The following HNF4G variants were observed in gnomAD, a reference collection of about 807,000 sequenced individuals.
HNF4G encodes hepatocyte nuclear factor 4 gamma, also known as hepatocyte nuclear factor 4-gamma.
In HNF4G, 21 loss-of-function variants were observed where a neutral mutation model predicts 50.9. That is an observed-to-expected ratio of 0.41 (90% CI 0.29 to 0.59). HNF4G has a LOEUF of 0.59. HNF4G is among the 20% of genes least tolerant of loss of function. The pLI, the probability that HNF4G is intolerant of heterozygous loss-of-function variation, is 0.26. For missense variants in HNF4G, 527 were observed against 559.4 expected, an observed-to-expected ratio of 0.94 and a Z score of 0.58; for synonymous variants, 198 against 185.6, an observed-to-expected ratio of 1.07 and a Z score of -0.54.
At chr8:75,462,370 T>G (rs1811875231) in intron 1 of HNF4G, among the ~76,000 whole-genome samples, 1 of 152,180 alleles carries the variant, frequency 6.6e-6, no homozygotes, top group Non-Finnish European at 1.5e-5. Flanking sequence ...ACAGTTGATC[T>G]GATGACCAAG....
intron 1 of HNF4G, among the ~76,000 whole-genome samples, chr8:75,478,650 A>G (rs1812297417): frequency 2.0e-5 from 3 of 152,214 alleles, no homozygotes; most frequent in Non-Finnish European, 4.4e-5. Flanking sequence ...TTCTTGCTCA[A>G]GCTAGTGTAC....
At chr8:75,449,263 G>A (rs1811516041) in intron 1 of HNF4G, among the ~76,000 whole-genome samples, 1 of 152,026 alleles carries the variant, frequency 6.6e-6, no homozygotes, top group South Asian at 2.1e-4. Flanking sequence ...GTAGAATCTG[G>A]GGTCTCATAT....
At chr8:75,562,738 A>G (rs1179629537) in intron 9 of HNF4G, among the ~76,000 whole-genome samples, 1 of 152,148 alleles carries the variant, frequency 6.6e-6, no homozygotes, top group African/African-American at 2.4e-5. Context: ...TGTTCTTTCC[A>G]CATACTATTT....
At chr8:75,560,295 C>T (rs1807268444) in intron 8 of HNF4G, 49 bp from the exon 9 acceptor site, 2 of 1,590,596 alleles carry the variant, frequency 1.3e-6, no homozygotes, top group Non-Finnish European at 8.6e-7. Context: ...GGTAAACTTG[C>T]TGTTCCTGAT....
intron 6 of HNF4G, 38 bp downstream of exon 6, chr8:75,556,107 A>G: frequency 8.7e-7 from 1 of 1,153,830 alleles, no homozygotes; most frequent in Non-Finnish European, 1.3e-6. Flanking sequence ...GAAATTATGC[A>G]TATTTTATTC....
At chr8:75,421,427 A>G (rs2130490202) in intron 1 of HNF4G, among the ~76,000 whole-genome samples, 1 of 152,308 alleles carries the variant, frequency 6.6e-6, no homozygotes, top group African/African-American at 2.4e-5. Context: ...TTTAGATTAG[A>G]TATACCAGCT....
chr8:75,511,780 CG>C (rs1805758835), intron 2 of HNF4G, among the ~76,000 whole-genome samples: 1 of 152,018 alleles, frequency 6.6e-6, no homozygotes, highest in African/African-American at 2.4e-5. Context: ...TTAGTAGAGA[CG>C]GGGTTTCACC....
At chr8:75,492,762 C>A (rs1286269684) in intron 2 of HNF4G, among the ~76,000 whole-genome samples, 1 of 152,076 alleles carries the variant, frequency 6.6e-6, no homozygotes, top group African/African-American at 2.4e-5. Context: ...GCTCATCCTA[C>A]CCTCACAGAA....
chr8:75,450,000 C>T lies in HNF4G; in HGVS notation c.-143-40089C>T, dbSNP rs148327052. Among the ~76,000 whole-genome samples, 372 of 152,218 alleles carry T rather than the reference C, an allele frequency of 2.4e-3. 2 individuals carry two copies. Among genetic ancestry groups the T allele is most frequent in the African/African-American group, 8.5e-3 (354 of 41,542 alleles). On this transcript the variant is annotated intron_variant, in intron 1 of 10. Transcript: ENST00000354370. Reference sequence around the variant, plus strand: ...GTGTCCTTTGACAACAAATATCTCCCCAATCCTTTTATTCCCCACCACCTT... The same window carrying T: ...GTGTCCTTTGACAACAAATATCTCCTCAATCCTTTTATTCCCCACCACCTT...
intron 1 of HNF4G, among the ~76,000 whole-genome samples, chr8:75,439,347 T>A (rs1292311495): frequency 2.0e-5 from 3 of 152,052 alleles, no homozygotes; most frequent in Non-Finnish European, 4.4e-5. Flanking sequence ...ATTTTTTACA[T>A]GTCTGCATTT....
At chr8:75,465,956 T>G (rs1811959409) in intron 1 of HNF4G, among the ~76,000 whole-genome samples, 1 of 152,168 alleles carries the variant, frequency 6.6e-6, no homozygotes. Context: ...AGGTTATGTG[T>G]GTGTGTTTGT....
chr8:75,442,384 C>A (rs925838176), intron 1 of HNF4G, among the ~76,000 whole-genome samples: 6 of 152,088 alleles, frequency 3.9e-5, no homozygotes, highest in Non-Finnish European at 8.8e-5. Context: ...ATAGGCAAGA[C>A]TTTTAAAAAA....
intron 1 of HNF4G, among the ~76,000 whole-genome samples, chr8:75,541,685 T>A (rs998715893): frequency 1.3e-5 from 2 of 152,126 alleles, no homozygotes; most frequent in Non-Finnish European, 2.9e-5. Context: ...TATAATGAAG[T>A]TTTATTACAT....
intron 1 of HNF4G, among the ~76,000 whole-genome samples, chr8:75,435,231 A>G (rs1396624733): frequency 6.6e-6 from 1 of 152,222 alleles, no homozygotes; most frequent in African/African-American, 2.4e-5. Flanking sequence ...TATTATAGAA[A>G]TGCAAACTTG....
intron 2 of HNF4G, among the ~76,000 whole-genome samples, chr8:75,534,628 A>G (rs1806413017): frequency 1.3e-5 from 2 of 151,956 alleles, no homozygotes; most frequent in African/African-American, 4.8e-5. Context: ...GGTAAACCAT[A>G]AATACTAGAA....
In HNF4G at chr8:75,486,352, C is replaced by A. The variant is rs866281413; in HGVS notation, c.-143-3737C>A. Among the ~76,000 whole-genome samples, 5 of 152,272 alleles carry A rather than the reference C, an allele frequency of 3.3e-5. No homozygotes were observed. In the Middle Eastern group the frequency reaches 0.01, roughly 311 times the overall value. ...GACCTCAACATGCTTTCTGGTTGAA[C>A]CTTAGCAGTACCTTTTGTTATATTT... is the stretch of plus-strand genomic sequence containing the variant. On this transcript the variant is annotated intron_variant, in intron 1 of 10. Coordinates refer to the HNF4G transcript ENST00000354370.
chr8:75,454,050 TCTCC>T (rs1207265671), intron 1 of HNF4G, among the ~76,000 whole-genome samples: 2 of 132,364 alleles, frequency 1.5e-5, no homozygotes, highest in East Asian at 2.2e-4. Context: ...TCTCTCTCTC[TCTCC>T]CTCCCTCCCT....
chr8:75,501,042 A>C (rs1812912474), intron 2 of HNF4G, among the ~76,000 whole-genome samples: 1 of 151,970 alleles, frequency 6.6e-6, no homozygotes, highest in African/African-American at 2.4e-5. Context: ...ATCATATATA[A>C]TTATATTAGA....
chr8:75,544,127 G>A (rs949561090), intron 2 of HNF4G, 148 bp downstream of exon 2: 12 of 626,068 alleles, frequency 1.9e-5, no homozygotes, highest in African/African-American at 1.8e-4. Flanking sequence ...GAACGTGTGG[G>A]TATGTACACA....
Sources: allele counts gnomAD v4.1 joint callset (sites outside exome capture counted in the v4.1 genomes callset), GRCh38; gene constraint gnomAD v4.1.1; transcripts MANE v1.5; gene names NCBI Gene and HGNC (gene_info 2026-07-23, HGNC 2026-07-21).